PIGN: variants seen among roughly 807,000 people sequenced by gnomAD.
The protein encoded by PIGN is phosphatidylinositol glycan anchor biosynthesis class N, also known as GPI ethanolamine phosphate transferase 1.
In PIGN, 117 loss-of-function variants were observed where a neutral mutation model predicts 125.4. The ratio of observed to expected loss-of-function variants is 0.93; its 90% CI spans 0.80 to 1.09. The LOEUF is 1.09. Among genes scored for constraint, PIGN ranks in the 50% least tolerant of loss-of-function variants. PIGN has a pLI of 0.00. For missense variants in PIGN, 1,075 were observed against 1,094.9 expected (o/e 0.98, Z 0.26); for synonymous variants, 392 against 377.8 (o/e 1.04, Z -0.44).
At chr18:62,085,288 A>T in intron 25 of PIGN, 24 bp from the exon 26 acceptor site, 1 of 1,485,718 alleles carries the variant, frequency 6.7e-7, no homozygotes, top group Non-Finnish European at 9.2e-7. Flanking sequence ...AGGAAATGGC[A>T]AAACAACTCA....
intron 22 of PIGN, 58 bp downstream of exon 22, chr18:62,101,017 A>C: frequency 1.1e-6 from 1 of 879,688 alleles, no homozygotes; most frequent in Non-Finnish European, 2.0e-6. Flanking sequence ...TAAACAGATC[A>C]TTTTAAAATA....
intron 11 of PIGN, among the ~76,000 whole-genome samples, chr18:62,141,000 T>C (rs895913586): frequency 5.1e-4 from 77 of 151,842 alleles, no homozygotes; most frequent in African/African-American, 1.8e-3. Flanking sequence ...CTCGGAAGAG[T>C]TGTTCATGCT....
Position 62,045,733 on chromosome 18 carries a change from C to T in PIGN, c.*123G>A, listed in dbSNP as rs2030621399. The T allele has an allele frequency of 1.1e-6, 1 of 887,234 alleles. No homozygotes were observed. Among genetic ancestry groups the T allele is most frequent in the South Asian group, 2.5e-5 (1 of 39,306 alleles). The allele number at this position is 887,234 out of a possible 1,614,324, so 55.0% of individuals were successfully genotyped here. ...ACCTGTCAATTCGGAATTCCAAATA[C>T]CATTTTCCTTACAGGAGTAGAATAT... On this transcript the variant is annotated 3_prime_UTR_variant, in exon 31 of 31. Transcript: ENST00000640252.
Position 62,106,876 on chromosome 18 carries a change from G to C in PIGN, c.1680C>G (p.Leu560=), listed in dbSNP as rs774775954. The C allele has an allele frequency of 1.2e-6, 2 of 1,605,654 alleles. No homozygotes were observed. Among genetic ancestry groups the C allele is most frequent in the Non-Finnish European group, 1.7e-6 (2 of 1,175,734 alleles). Residue 560 remains leucine (L), a synonymous_variant, in exon 19 of 31, where the codon CTC becomes CTG. Transcript: ENST00000640252. ...TAAGCATATAGCGGTAGAAAAAACT[G>C]AGAACCTAGTAATGCATTCCAAAGA... ...AFTLGIEVLV[L]SFFYRYMLTA...
intron 30 of PIGN, among the ~76,000 whole-genome samples, chr18:62,062,201 C>G (rs778882257): frequency 2.1e-3 from 316 of 152,336 alleles, no homozygotes; most frequent in African/African-American, 7.2e-3. Flanking sequence ...CTGCTCCCCC[C>G]ACCTGCAATC....
At chr18:62,032,741 A>G (rs1447817479) in intron 23 of PIGN, among the ~76,000 whole-genome samples, 1 of 152,326 alleles carries the variant, frequency 6.6e-6, no homozygotes, top group Non-Finnish European at 1.5e-5. Flanking sequence ...CAGTTTTCCC[A>G]TCTGTAAAAT....
At chr18:62,106,642 T>C (rs1261086728) in intron 19 of PIGN, 147 bp downstream of exon 19, 1 of 614,752 alleles carries the variant, frequency 1.6e-6, no homozygotes, top group Non-Finnish European at 2.9e-6. Flanking sequence ...TTACAGGTAA[T>C]GTCAGTCCTC....
rs2036654014 is a variant in PIGN at position 62,154,592 on chromosome 18, C to T, written c.502G>A (p.Ala168Thr). Residue 168 changes from alanine (A) to threonine (T), a missense_variant, in exon 7 of 31, where the codon GCT becomes ACT. By Grantham distance (58) the Ala-to-Thr change is moderately conservative (BLOSUM62 0). Transcript: ENST00000640252. ...SYDAKREDFGAQDATKLDTWV... is the reference protein window; with the variant it reads ...SYDAKREDFGTQDATKLDTWV... Reference sequence around the variant, plus strand: ...GTATCCAGTTTTGTTGCATCTTGAGCACCAAAATCCTCTCTTTTAGCATCA... The same window carrying T: ...GTATCCAGTTTTGTTGCATCTTGAGTACCAAAATCCTCTCTTTTAGCATCA... 1.3e-6 allele frequency: 2 copies of T among 1,596,836 alleles called. No homozygotes were observed. The highest frequency in any genetic ancestry group is 1.7e-6 in the Non-Finnish European group (2 of 1,165,332).
At chr18:62,158,035 C>A (rs1267783222) in intron 4 of PIGN, 13 of 441,562 alleles carry the variant, frequency 2.9e-5, no homozygotes, top group Admixed American at 2.2e-4. Flanking sequence ...AAGAACCATT[C>A]AACCACTGCA....
chr18:62,082,652 T>A, intron 28 of PIGN, 21 bp downstream of exon 28: 1 of 1,375,966 alleles, frequency 7.3e-7, no homozygotes, highest in Admixed American at 2.0e-5. Context: ...ATCAAATGTT[T>A]CTTAAACTAA....
At chr18:62,136,085 CAT>C (rs1201952689) in intron 14 of PIGN, 2 of 152,144 alleles carry the variant, frequency 1.3e-5, no homozygotes, top group Admixed American at 1.3e-4. Flanking sequence ...TCTTGAAAAA[CAT>C]ATGAACATTT....
At chr18:62,070,002 G>C (rs1230770850) in intron 30 of PIGN, 1 of 157,992 alleles carries the variant, frequency 6.3e-6, no homozygotes. Context: ...CCAAATGCAA[G>C]AAGCACTATA....
At chr18:62,176,161 C>T (rs2037518023) in intron 1 of PIGN, among the ~76,000 whole-genome samples, 1 of 152,006 alleles carries the variant, frequency 6.6e-6, no homozygotes, top group Non-Finnish European at 1.5e-5. Context: ...TTTTCTCTAA[C>T]ATTATGTTAG....
intron 1 of PIGN, among the ~76,000 whole-genome samples, chr18:62,180,387 G>A (rs1463168714): frequency 2.0e-5 from 3 of 152,090 alleles, no homozygotes; most frequent in African/African-American, 7.2e-5. Flanking sequence ...CTCTATAAGT[G>A]GAATTGCTCT....
At chr18:62,125,783 A>G (rs908218526) in intron 14 of PIGN, among the ~76,000 whole-genome samples, 1 of 152,108 alleles carries the variant, frequency 6.6e-6, no homozygotes, top group Non-Finnish European at 1.5e-5. Context: ...CTATTACGAA[A>G]AAACTTTTTT....
intron 14 of PIGN, among the ~76,000 whole-genome samples, chr18:62,133,386 T>TA (rs2035810552): frequency 6.6e-6 from 1 of 152,208 alleles, no homozygotes; most frequent in Admixed American, 6.5e-5. Context: ...TTTAGAGTTA[T>TA]AATAGCTTTA....
rs1008196906 is a variant in PIGN, at chr18:62,045,978, T to C, written c.2674A>G (p.Ile892Val). 4 of 1,612,060 alleles carry C rather than the reference T, an allele frequency of 2.5e-6. No individual in the cohort carries two copies. Among genetic ancestry groups the C allele is most frequent in the Non-Finnish European group, 3.4e-6 (4 of 1,178,970 alleles). Residue 892 changes from isoleucine to valine, a missense_variant and splice_region_variant, in exon 31 of 31, where the codon ATC (isoleucine) becomes GTC (valine). Ile to Val is a conservative substitution (Grantham distance 29). This residue lies in a region of PIGN where 915 missense variants were observed against 908.7 expected (regional missense o/e 1.01). Transcript: ENST00000640252. ...YGSWLDIGTS[I>V]SHYVIVMSMT... Reference sequence around the variant, plus strand: ...GACATGACAATCACATAGTGGCTGATGCTGCAAAAGGAGAAAAAGATGTTA... The same window carrying C: ...GACATGACAATCACATAGTGGCTGACGCTGCAAAAGGAGAAAAAGATGTTA...
chr18:62,148,427 G>T, intron 7 of PIGN, 89 bp from the exon 8 acceptor site: 1 of 906,582 alleles, frequency 1.1e-6, no homozygotes, highest in Non-Finnish European at 1.6e-6. Flanking sequence ...TTATGCATAA[G>T]TACAAAATTA....
chr18:62,113,433 A>G, intron 15 of PIGN, 117 bp from the exon 16 acceptor site: 1 of 652,490 alleles, frequency 1.5e-6, no homozygotes, highest in Non-Finnish European at 2.6e-6. Context: ...ATTAGTGAAT[A>G]ACTGTAGATG....
Sources: allele counts gnomAD v4.1 joint callset (sites outside exome capture counted in the v4.1 genomes callset), GRCh38; gene constraint gnomAD v4.1.1; regional missense constraint gnomAD v4.1.1; transcripts MANE v1.5; gene names NCBI Gene and HGNC (gene_info 2026-07-23, HGNC 2026-07-21).